Variants in RPL27 observed in about 807,000 individuals in gnomAD.
The protein encoded by RPL27 is large ribosomal subunit protein eL27.
For synonymous variants in RPL27, 77 were observed against 61.0 expected, an observed-to-expected ratio of 1.26 and a Z score of -1.22; for missense variants, 131 against 174.3, an observed-to-expected ratio of 0.75 and a Z score of 1.40.
intron 2 of RPL27, 52 bp from the exon 3 acceptor site, chr17:42,999,881 A>G: frequency 1.3e-6 from 2 of 1,496,290 alleles, no homozygotes; most frequent in Non-Finnish European, 1.9e-6. Flanking sequence ...CCTCTAACAC[A>G]GGGCCTAAAT....
intron 2 of RPL27, 105 bp downstream of exon 2, chr17:42,998,936 G>C (rs764433651): frequency 2.1e-5 from 17 of 823,728 alleles, no homozygotes; most frequent in African/African-American, 3.3e-5. Flanking sequence ...GCAGTAGCCA[G>C]TGAGCACGGT....
intron 3 of RPL27, among the ~76,000 whole-genome samples, chr17:43,001,609 A>G (rs191156228): frequency 0.014 from 2,047 of 151,610 alleles, 94 homozygotes; most frequent in African/African-American, 0.047. Flanking sequence ...TGACAGAGCG[A>G]GACTCCATCT....
rs185963315 is a variant in RPL27 at position 43,002,659 on chromosome 17, A to G, written c.252-14A>G. 6.5e-7 allele frequency: 1 copy of G among 1,545,714 alleles called. No individual in the cohort carries two copies. The highest frequency in any genetic ancestry group is 1.4e-5 in the African/African-American group (1 of 73,636). Reference sequence around the variant, plus strand: ...GTATGTGGGCTAATCCTGCCTCTCCACCTTTGTCCCCAGGTACTCTGTGGA... The same window carrying G: ...GTATGTGGGCTAATCCTGCCTCTCCGCCTTTGTCCCCAGGTACTCTGTGGA... On this transcript the variant is annotated splice_polypyrimidine_tract_variant and intron_variant, in intron 3 of 4. Transcript: ENST00000253788.
Position 42,998,772 on chromosome 17 carries a change from G to T in RPL27, c.22G>T (p.Gly8Trp), listed in dbSNP as rs776825853. ...AGAAATGGGCAAGTTCATGAAACCT[G>T]GGAAGGTGGTGCTTGTCCTGGCTGG... MGKFMKP[G>W]KVVLVLAGRY... The change falls in exon 2 of 5, where the codon GGG becomes TGG. Residue 8 changes from glycine to tryptophan, a missense_variant. By Grantham distance (184) the Gly-to-Trp change is radical. Transcript: ENST00000253788. 3 of 1,614,002 alleles carry T rather than the reference G, an allele frequency of 1.9e-6. No individual in the cohort carries two copies. The highest frequency in any genetic ancestry group is 2.5e-6 in the Non-Finnish European group (3 of 1,179,912).
intron 3 of RPL27, among the ~76,000 whole-genome samples, chr17:43,002,026 G>A (rs573324891): frequency 4.6e-5 from 7 of 151,534 alleles, no homozygotes; most frequent in South Asian, 2.1e-4. Flanking sequence ...CCTAGGAGGC[G>A]GAGGTTGCAG....
At chr17:42,998,660 C>G (rs2151964425) in intron 1 of RPL27, 89 bp from the exon 2 acceptor site, 1 of 1,037,172 alleles carries the variant, frequency 9.6e-7, no homozygotes, top group Non-Finnish European at 1.5e-6. Context: ...AAGTTCCGGC[C>G]CAAGACCTGG....
At chr17:43,001,524 G>T (rs1157199311) in intron 3 of RPL27, among the ~76,000 whole-genome samples, 1 of 151,596 alleles carries the variant, frequency 6.6e-6, no homozygotes, top group Non-Finnish European at 1.5e-5. Context: ...CGGAGGCTGA[G>T]GTGGGAGAAT....
chr17:42,999,665 T>C (rs1326149329), intron 2 of RPL27: 1 of 400,008 alleles, frequency 2.5e-6, no homozygotes, highest in Non-Finnish European at 4.6e-6. Flanking sequence ...GAGCAGTGCT[T>C]GGCATATAGC....
chr17:43,000,727 A>G (rs547855902), intron 3 of RPL27, among the ~76,000 whole-genome samples: 8 of 144,168 alleles, frequency 5.5e-5, no homozygotes, highest in Admixed American at 2.1e-4. Context: ...TACAGGCGTG[A>G]GCCACCGTGC....
At chr17:42,998,388 G>A (rs768864159), upstream of RPL27, 144 of 194,248 alleles carry the variant, frequency 7.4e-4, 1 homozygote, top group Non-Finnish European at 1.2e-3. Context: ...GGGACAGGAA[G>A]TGAGGTCACT....
In RPL27 at chr17:43,000,013, A is replaced by G; in HGVS notation, c.162A>G (p.Thr54=). Residue 54 remains threonine (T), a synonymous_variant, in exon 3 of 5, where the codon ACA becomes ACG. Transcript: ENST00000253788. ...AGIDRYPRKV[T]AAMGKKKIAK... ...TTGACCGCTACCCCCGCAAAGTGAC[A>G]GCTGCCATGGGCAAGAAGAAGATCG... 6.2e-7 allele frequency: 1 copy of G among 1,612,604 alleles called. No homozygotes were observed. Among genetic ancestry groups the G allele is most frequent in the Non-Finnish European group, 8.5e-7 (1 of 1,179,918 alleles).
intron 3 of RPL27, among the ~76,000 whole-genome samples, chr17:43,002,227 C>T (rs939503632): frequency 5.9e-5 from 9 of 151,622 alleles, no homozygotes; most frequent in South Asian, 2.1e-4. Flanking sequence ...ATTTTCAGGC[C>T]GGATGCGGTG....
intron 3 of RPL27, among the ~76,000 whole-genome samples, chr17:43,002,070 G>T (rs1271413261): frequency 2.0e-5 from 3 of 151,716 alleles, no homozygotes; most frequent in African/African-American, 7.3e-5. Context: ...CTCCAGCCTG[G>T]GCAACAGCGA....
intron 3 of RPL27, among the ~76,000 whole-genome samples, chr17:43,002,244 G>A (rs775995): frequency 0.2 from 29,854 of 151,550 alleles, 3,168 homozygotes; most frequent in South Asian, 0.26. Context: ...GGTGACTCAC[G>A]CCTATAATCC....
At chr17:42,998,364 A>G (rs2050320880), upstream of RPL27, 1 of 177,250 alleles carries the variant, frequency 5.6e-6, no homozygotes, top group Admixed American at 6.2e-5. Context: ...TCAGCGTGGC[A>G]AAGCCTGAAG....
intron 2 of RPL27, chr17:42,999,171 T>TTC (rs2050332608): frequency 4.9e-6 from 1 of 203,896 alleles, no homozygotes; most frequent in South Asian, 7.3e-5. Context: ...TTCTTTTCTT[T>TTC]TTTTTTTTTT....
At position 43,001,397 on chromosome 17, in the gene RPL27, A is replaced by G. The variant is rs188748789; in HGVS notation, c.252-1276A>G. 2.9e-3 allele frequency among the ~76,000 whole-genome samples: 440 copies of G among 149,958 alleles called. 5 individuals carry two copies. The highest frequency in any genetic ancestry group is 0.01 in the African/African-American group (411 of 39,442). ...TCCCAGCACTTTGGGAGGCCGAGGC[A>G]GGTGGATCGCTTGAGGTCAGGAGTT... is the stretch of plus-strand genomic sequence containing the variant. On this transcript the variant is annotated intron_variant, in intron 3 of 4. Coordinates refer to ENST00000253788, the MANE Select transcript of RPL27 (RefSeq NM_000988.5).
intron 3 of RPL27, among the ~76,000 whole-genome samples, chr17:43,000,694 T>A (rs528317842): frequency 1.5e-4 from 22 of 146,794 alleles, no homozygotes; most frequent in Admixed American, 7.5e-4. Context: ...TCTGCCCACC[T>A]CAGCCTCCCA....
rs769870388 is a variant in RPL27, at chr17:42,998,867, C to G, written c.81+36C>G. On this transcript the variant is annotated intron_variant, in intron 2 of 4. Coordinates refer to ENST00000253788, the MANE Select transcript of RPL27 (RefSeq NM_000988.5). Reference sequence around the variant, plus strand: ...CGCGGGACTCTGCGTCCTTGCATGCCGGGACCAGGCTGGCTGCGGCGGGGC... The same window carrying G: ...CGCGGGACTCTGCGTCCTTGCATGCGGGGACCAGGCTGGCTGCGGCGGGGC... The G allele has an allele frequency of 3.2e-6, 5 of 1,570,544 alleles. No homozygotes were observed. In the African/African-American group the frequency reaches 5.4e-5, roughly 17 times the overall value.
Sources: gnomAD v4.1 joint callset for allele counts (sites outside exome capture counted in the v4.1 genomes callset) on GRCh38, gnomAD v4.1.1 for gene constraint, MANE v1.5 for transcripts, NCBI Gene and HGNC (gene_info 2026-07-23, HGNC 2026-07-21) for gene names.